The following DAP variants were observed in gnomAD, a reference collection of about 807,000 sequenced individuals.
DAP encodes the protein death associated protein.
DAP carries 8 observed loss-of-function variants against 13.8 expected under a neutral mutation model. The observed-to-expected ratio is 0.58, with a 90% CI of 0.34 to 1.05. The LOEUF is 1.05. Among genes scored for constraint, DAP ranks in the 50% least tolerant of loss-of-function variants. DAP has a pLI of 0.03. For synonymous variants in DAP, 47 were observed against 47.5 expected (o/e 0.99, Z 0.04); for missense variants, 106 against 133.2 (o/e 0.80, Z 1.01).
intron 1 of DAP, among the ~76,000 whole-genome samples, chr5:10,750,187 T>A (rs1006733914): frequency 6.6e-6 from 1 of 152,172 alleles, no homozygotes; most frequent in African/African-American, 2.4e-5. Flanking sequence ...TCTGGCATTT[T>A]AAACTGAGTG....
At chr5:10,736,602 C>T (rs564653519) in intron 2 of DAP, among the ~76,000 whole-genome samples, 53 of 152,322 alleles carry the variant, frequency 3.5e-4, no homozygotes, top group African/African-American at 1.2e-3. Context: ...ACAGGCAAAA[C>T]GCTTCCTTTT....
chr5:10,725,945 G>C (rs1480231697), intron 2 of DAP, among the ~76,000 whole-genome samples: 3 of 152,194 alleles, frequency 2.0e-5, no homozygotes. Flanking sequence ...AAAGCACCTG[G>C]TCTAAAGGTA....
chr5:10,707,458 T>C lies in DAP; in HGVS notation c.153-23887A>G, dbSNP rs924751708. On this transcript the variant is annotated intron_variant, in intron 2 of 3. Coordinates refer to ENST00000230895, the MANE Select transcript of DAP (RefSeq NM_004394.3). The surrounding 1 kb of genome is among the most constrained non-coding windows in gnomAD (Gnocchi z 4.0). ...GAGCTGAGGGCAGGAGAGCTGGTGGTGTGATGCACGGGTGATGTGGTGCAT... is the reference window on the plus strand; with the variant it reads ...GAGCTGAGGGCAGGAGAGCTGGTGGCGTGATGCACGGGTGATGTGGTGCAT... Among the ~76,000 whole-genome samples, 2 of 152,196 alleles carry C rather than the reference T, an allele frequency of 1.3e-5. No individual in the cohort carries two copies. The highest frequency in any genetic ancestry group is 2.9e-5 in the Non-Finnish European group (2 of 68,036).
intron 2 of DAP, among the ~76,000 whole-genome samples, chr5:10,735,864 T>C (rs1241901891): frequency 6.6e-6 from 1 of 152,220 alleles, no homozygotes; most frequent in Non-Finnish European, 1.5e-5. Flanking sequence ...TGCTGCTTGC[T>C]TGTTGTGGGT....
Position 10,687,905 on chromosome 5 carries a change from CTTTTTTT to C in DAP, c.153-4341_153-4335del, listed in dbSNP as rs1199947263. On this transcript the variant is annotated intron_variant, in intron 2 of 3. Transcript: ENST00000230895. ...TCTATGTCACAAACTTCATTGTTGT[CTTTTTTT>C]TTTTTTTTTTTTTTTTACAGAGGGA... Among the ~76,000 whole-genome samples, 480 of 110,638 alleles carry C rather than the reference CTTTTTTT, an allele frequency of 4.3e-3. 2 individuals carry two copies. Among genetic ancestry groups the C allele is most frequent in the African/African-American group, 0.017 (435 of 26,012 alleles). 72.6% of individuals were successfully genotyped at this position (110,638 alleles called of 152,430 possible). A position where few individuals can be genotyped will look rare whatever the true frequency, so the allele number is the denominator to read the frequency against.
chr5:10,703,736 G>T (rs958229689), intron 2 of DAP, among the ~76,000 whole-genome samples: 43 of 152,298 alleles, frequency 2.8e-4, no homozygotes, highest in African/African-American at 1.0e-3. Context: ...GTGTCCTGGG[G>T]CTCATGCCAA....
intron 2 of DAP, among the ~76,000 whole-genome samples, chr5:10,704,651 G>A (rs1012881699): frequency 6.6e-6 from 1 of 152,142 alleles, no homozygotes; most frequent in African/African-American, 2.4e-5. Context: ...TAGAACAAAT[G>A]TAATCAGGGA....
rs1032001563 is a variant in DAP, at chr5:10,679,729, C to G, written c.*1327G>C. 2.0e-5 allele frequency: 3 copies of G among 152,468 alleles called. No homozygotes were observed. The highest frequency in any genetic ancestry group is 4.4e-5 in the Non-Finnish European group (3 of 68,118). The allele number at this position is 152,468 out of a possible 1,614,324, so 9.4% of individuals were successfully genotyped here. ...CAAGTGTGAGGCTGTGCCATGCTCC[C>G]TCAGGGAGGAGGGGCGCTGGGTCTG... On this transcript the variant is annotated 3_prime_UTR_variant, in exon 4 of 4. Transcript: ENST00000230895.
In DAP at chr5:10,729,807, C is replaced by T. The variant is rs556153412; in HGVS notation, c.152+18368G>A. Reference sequence around the variant, plus strand: ...ACAGAAAATTCATCCTTACGGCGACCCCAAGTTAACAGTGAAGCAGAAGTG... The same window carrying T: ...ACAGAAAATTCATCCTTACGGCGACTCCAAGTTAACAGTGAAGCAGAAGTG... On this transcript the variant is annotated intron_variant, in intron 2 of 3. Coordinates refer to ENST00000230895, the MANE Select transcript of DAP (RefSeq NM_004394.3). Among the ~76,000 whole-genome samples the T allele has an allele frequency of 2.7e-4, 41 of 152,240 alleles. 1 individual carries two copies. Among genetic ancestry groups the T allele is most frequent in the Non-Finnish European group, 5.4e-4 (37 of 68,016 alleles).
chr5:10,760,658 T>C (rs1305976673), intron 1 of DAP, among the ~76,000 whole-genome samples: 2 of 152,384 alleles, frequency 1.3e-5, no homozygotes, highest in Middle Eastern at 3.4e-3. Context: ...ACTTTCTTTC[T>C]AGACATCTGT....
intron 2 of DAP, among the ~76,000 whole-genome samples, chr5:10,730,802 C>A (rs1739437334): frequency 8.9e-6 from 1 of 112,896 alleles, no homozygotes; most frequent in Non-Finnish European, 1.7e-5. Context: ...ATTGAGAGCC[C>A]TGGTGGGGGG....
intron 2 of DAP, among the ~76,000 whole-genome samples, chr5:10,722,234 C>T (rs150748066): frequency 3.3e-5 from 5 of 152,206 alleles, no homozygotes; most frequent in East Asian, 1.9e-4. Context: ...GGCAGATCCA[C>T]CCTTAATCTG....
intron 2 of DAP, among the ~76,000 whole-genome samples, chr5:10,699,043 G>C (rs1429441478): frequency 6.6e-6 from 1 of 152,198 alleles, no homozygotes; most frequent in Non-Finnish European, 1.5e-5. Flanking sequence ...GCAGGTTTGG[G>C]GGGGATCTCA....
chr5:10,693,145 C>CAG (rs1242078255), intron 2 of DAP, among the ~76,000 whole-genome samples: 11 of 143,762 alleles, frequency 7.7e-5, no homozygotes, highest in Non-Finnish European at 1.5e-4. Flanking sequence ...CACACACACA[C>CAG]ACACACACGT....
At chr5:10,746,574 C>T (rs1025605227) in intron 2 of DAP, among the ~76,000 whole-genome samples, 2 of 152,174 alleles carry the variant, frequency 1.3e-5, no homozygotes, top group Non-Finnish European at 2.9e-5. Flanking sequence ...AAGTGATCCA[C>T]CCACCTCGGC....
intron 2 of DAP, among the ~76,000 whole-genome samples, chr5:10,729,817 C>T (rs1339404516): frequency 1.3e-5 from 2 of 152,212 alleles, no homozygotes; most frequent in African/African-American, 4.8e-5. Context: ...CCCAAGTTAA[C>T]AGTGAAGCAG....
chr5:10,738,542 A>G (rs1292950089), intron 2 of DAP, among the ~76,000 whole-genome samples: 1 of 152,272 alleles, frequency 6.6e-6, no homozygotes, highest in Non-Finnish European at 1.5e-5. Flanking sequence ...AAGGCACATC[A>G]GAAAAATTGA....
intron 2 of DAP, among the ~76,000 whole-genome samples, chr5:10,688,945 CTG>C (rs978863918): frequency 6.6e-6 from 1 of 152,178 alleles, no homozygotes; most frequent in African/African-American, 2.4e-5. Flanking sequence ...TATCAGGAAT[CTG>C]TCTCCAGCAC....
At chr5:10,742,660 T>G (rs916663921) in intron 2 of DAP, among the ~76,000 whole-genome samples, 7 of 152,220 alleles carry the variant, frequency 4.6e-5, no homozygotes, top group Non-Finnish European at 1.0e-4. Context: ...AACTTCCTTA[T>G]GTTCTGGCAC....
Sources: allele counts gnomAD v4.1 joint callset (sites outside exome capture counted in the v4.1 genomes callset), GRCh38; gene constraint gnomAD v4.1.1; non-coding constraint Gnocchi (gnomAD v3.1); transcripts MANE v1.5; gene names NCBI Gene and HGNC (gene_info 2026-07-23, HGNC 2026-07-21).